The following IRAG1 variants were observed in gnomAD, a reference collection of about 807,000 sequenced individuals.
The protein encoded by IRAG1 is inositol 1,4,5-triphosphate receptor associated 1, also known as IP3R-associated cGMP kinase substrate.
IRAG1 carries 62 observed loss-of-function variants against 106.2 expected under a neutral mutation model. That is an observed-to-expected ratio of 0.58 (90% CI 0.48 to 0.72). IRAG1 has a LOEUF of 0.72. Among genes scored for constraint, IRAG1 ranks in the 30% least tolerant of loss-of-function variants. The pLI, the probability that IRAG1 is intolerant of heterozygous loss-of-function variation, is 0.00. For synonymous variants in IRAG1, 462 were observed against 443.9 expected, an observed-to-expected ratio of 1.04 and a Z score of -0.51; for missense variants, 1,064 against 1,140.7, an observed-to-expected ratio of 0.93 and a Z score of 0.97.
At position 10,593,590 on chromosome 11, in the gene IRAG1, G is replaced by A. The variant is rs893679901; in HGVS notation, c.2077C>T (p.Arg693Cys). ...MSLTLGKNMPRRRVSVAVVPK... is the reference protein window; with the variant it reads ...MSLTLGKNMPCRRVSVAVVPK... Reference sequence around the variant, plus strand: ...ACCACAGCAACGCTGACCCTCCGGCGAGGCATATTCTGCAGGAAGAGAAGT... The same window carrying A: ...ACCACAGCAACGCTGACCCTCCGGCAAGGCATATTCTGCAGGAAGAGAAGT... The change falls in exon 17 of 21, where the codon CGC (arginine) becomes TGC (cysteine). Residue 693 changes from arginine to cysteine, a missense_variant. Physicochemically the swap from Arg to Cys is radical, Grantham distance 180. Coordinates refer to ENST00000423302, the MANE Select transcript of IRAG1 (RefSeq NM_130385.4). 4.3e-6 allele frequency: 7 copies of A among 1,613,296 alleles called. No homozygotes were observed. The highest frequency in any genetic ancestry group is 5.9e-6 in the Non-Finnish European group (7 of 1,179,458).
At position 10,628,961 on chromosome 11, in the gene IRAG1, C is replaced by T; in HGVS notation, c.575-133G>A. ...GCTGGGCTCAGGGGCTGATGCTGGA[C>T]TGCAATATGATGCTCCTGTTACAGC... On this transcript the variant is annotated intron_variant, in intron 5 of 20. Transcript: ENST00000423302. The surrounding 1 kb of genome is among the most constrained non-coding windows in gnomAD (Gnocchi z 4.1). The T allele has an allele frequency of 1.2e-6, 1 of 807,942 alleles. No individual in the cohort carries two copies. The allele number at this position is 807,942 out of a possible 1,614,324, so 50.0% of individuals were successfully genotyped here.
intron 2 of IRAG1, among the ~76,000 whole-genome samples, chr11:10,648,214 A>C (rs998260413): frequency 1.3e-5 from 2 of 152,130 alleles, no homozygotes; most frequent in African/African-American, 4.8e-5. Flanking sequence ...AAATACAAAA[A>C]TTAGCCAGGC....
In IRAG1 at chr11:10,574,679, G is replaced by A. The variant is rs1850732002; in HGVS notation, c.*1653C>T. 1 of 152,130 alleles carries A rather than the reference G, an allele frequency of 6.6e-6. No individual in the cohort carries two copies. The highest frequency in any genetic ancestry group is 2.4e-5 in the African/African-American group (1 of 41,394). The allele number at this position is 152,130 out of a possible 1,614,324, so 9.4% of individuals were successfully genotyped here. On this transcript the variant is annotated 3_prime_UTR_variant, in exon 21 of 21. Coordinates refer to ENST00000423302, the MANE Select transcript of IRAG1 (RefSeq NM_130385.4). ...GCTGGAAAAAAAACTAGTGAGTGGA[G>A]GTCCAGCACTATGAGAGAAACTGTT...
chr11:10,667,377 G>T (rs972881613), intron 1 of IRAG1, among the ~76,000 whole-genome samples: 3 of 152,180 alleles, frequency 2.0e-5, no homozygotes, highest in Non-Finnish European at 4.4e-5. Context: ...GGTTGGGACT[G>T]GTTGGGAGCA....
At chr11:10,597,872 A>G (rs11042892) in intron 15 of IRAG1, among the ~76,000 whole-genome samples, 43,415 of 152,114 alleles carry the variant, frequency 0.29, 6,724 homozygotes, top group Middle Eastern at 0.39. Context: ...CTGTCTCTCC[A>G]GAGTACTTTT....
intron 18 of IRAG1, 92 bp downstream of exon 18, chr11:10,591,456 C>A: frequency 8.7e-7 from 1 of 1,152,296 alleles, no homozygotes; most frequent in Non-Finnish European, 1.3e-6. Flanking sequence ...CTTTCCACTG[C>A]ATTTTGGGGA....
At chr11:10,671,680 C>T (rs1041321436) in intron 1 of IRAG1, among the ~76,000 whole-genome samples, 3 of 152,140 alleles carry the variant, frequency 2.0e-5, no homozygotes, top group Admixed American at 2.0e-4. Flanking sequence ...CCACTGCACT[C>T]CAGCCTGGGT....
rs1850712854 is a variant in IRAG1, at chr11:10,574,193, C to G, written c.*2139G>C. The G allele has an allele frequency of 6.6e-6, 1 of 152,238 alleles. No individual in the cohort carries two copies. Among genetic ancestry groups the G allele is most frequent in the African/African-American group, 2.4e-5 (1 of 41,448 alleles). 9.4% of individuals were successfully genotyped at this position (152,238 alleles called of 1,614,324 possible). On this transcript the variant is annotated 3_prime_UTR_variant, in exon 21 of 21. Coordinates refer to ENST00000423302, the MANE Select transcript of IRAG1 (RefSeq NM_130385.4). The stretch of plus-strand genomic sequence containing the variant: ...TTGCTAGTCTGGTCTCATTCCTGCT[C>G]TCTCACAGAGTAGACTGAAAAACAG...
intron 17 of IRAG1, among the ~76,000 whole-genome samples, chr11:10,592,407 A>AT (rs1476158730): frequency 6.6e-6 from 1 of 152,072 alleles, no homozygotes; most frequent in African/African-American, 2.4e-5. Flanking sequence ...ATTCTTAAAC[A>AT]TTTTTTTCAG....
intron 1 of IRAG1, among the ~76,000 whole-genome samples, chr11:10,674,697 T>C (rs917702241): frequency 6.6e-6 from 1 of 152,198 alleles, no homozygotes; most frequent in Admixed American, 6.5e-5. Context: ...GTGGCTTCTC[T>C]GCTGCTGACA....
At chr11:10,592,783 A>G (rs1223348054) in intron 17 of IRAG1, among the ~76,000 whole-genome samples, 1 of 152,230 alleles carries the variant, frequency 6.6e-6, no homozygotes, top group Non-Finnish European at 1.5e-5. Context: ...AAAATGAACT[A>G]TTTTACCATT....
chr11:10,641,566 C>A (rs1857510757), intron 2 of IRAG1, among the ~76,000 whole-genome samples: 1 of 152,174 alleles, frequency 6.6e-6, no homozygotes, highest in Non-Finnish European at 1.5e-5. Flanking sequence ...ACAAACATGG[C>A]TAGAGGGAAT....
chr11:10,574,969 C>CTT lies in IRAG1; in HGVS notation c.*1361_*1362dup, dbSNP rs1362197128. 1 of 152,136 alleles carries CTT rather than the reference C, an allele frequency of 6.6e-6. No individual in the cohort carries two copies. The highest frequency in any genetic ancestry group is 2.1e-4 in the South Asian group (1 of 4,812). 9.4% of individuals were successfully genotyped at this position (152,136 alleles called of 1,614,324 possible). ...TATTTTTTTTTCTTTTTCTTCAGGACTTAAATGAATTCATACCTATGTAAT... is the reference window on the plus strand; with the variant it reads ...TATTTTTTTTTCTTTTTCTTCAGGACTTTTAAATGAATTCATACCTATGTAAT... On this transcript the variant is annotated 3_prime_UTR_variant, in exon 21 of 21. Transcript: ENST00000423302.
At chr11:10,621,743 A>G (rs1855851545) in intron 10 of IRAG1, among the ~76,000 whole-genome samples, 1 of 152,228 alleles carries the variant, frequency 6.6e-6, no homozygotes, top group Middle Eastern at 3.2e-3. Flanking sequence ...AAAATGGTTT[A>G]TACTGTGGAA....
Position 10,587,447 on chromosome 11 carries a change from C to A in IRAG1, c.2240+4101G>T, listed in dbSNP as rs59688815. ...TACTCAGTTCTAGATACCTGGGGTC[C>A]GCCACAAGTTTATTGGGGTGGGTGG... On this transcript the variant is annotated intron_variant, in intron 18 of 20. Transcript: ENST00000423302. Among the ~76,000 whole-genome samples, 28 of 152,130 alleles carry A rather than the reference C, an allele frequency of 1.8e-4. No individual in the cohort carries two copies. The East Asian group carries it at 5.0e-3, about 27-fold the overall frequency.
chr11:10,683,076 A>G (rs1369306876), intron 1 of IRAG1, among the ~76,000 whole-genome samples: 1 of 152,166 alleles, frequency 6.6e-6, no homozygotes, highest in African/African-American at 2.4e-5. Flanking sequence ...TTCAATTTTT[A>G]ATTAAAAATA....
intron 11 of IRAG1, among the ~76,000 whole-genome samples, chr11:10,607,365 G>C (rs916064866): frequency 1.3e-5 from 2 of 152,160 alleles, no homozygotes; most frequent in Admixed American, 1.3e-4. Flanking sequence ...CTTCTCCACA[G>C]CAAGAACTTC....
At chr11:10,615,935 TAAAA>T (rs902809445) in intron 10 of IRAG1, among the ~76,000 whole-genome samples, 3 of 88,266 alleles carry the variant, frequency 3.4e-5, no homozygotes, top group African/African-American at 8.9e-5. Context: ...AGTATAATAA[TAAAA>T]AAAAGTATAT....
At chr11:10,667,099 A>G (rs1367496321) in intron 1 of IRAG1, among the ~76,000 whole-genome samples, 4 of 152,068 alleles carry the variant, frequency 2.6e-5, no homozygotes, top group Non-Finnish European at 5.9e-5. Flanking sequence ...AGATATTTTT[A>G]ATATGACAAC....
Sources: gnomAD v4.1 joint callset for allele counts (sites outside exome capture counted in the v4.1 genomes callset) on GRCh38, gnomAD v4.1.1 for gene constraint, Gnocchi (gnomAD v3.1) non-coding constraint, MANE v1.5 for transcripts, NCBI Gene and HGNC (gene_info 2026-07-23, HGNC 2026-07-21) for gene names.